Variants in SPC25 observed in about 807,000 individuals in gnomAD.
SPC25 encodes the protein kinetochore protein Spc25.
A neutral mutation model predicts 29.6 loss-of-function variants in SPC25; 22 were observed. The observed-to-expected ratio is 0.74, with a 90% CI of 0.53 to 1.06. The LOEUF is 1.06. SPC25 is among the 50% of genes least tolerant of loss of function. The pLI is 0.00. For synonymous variants in SPC25, 91 were observed against 90.4 expected, an observed-to-expected ratio of 1.01 and a Z score of -0.04; for missense variants, 230 against 255.8, an observed-to-expected ratio of 0.90 and a Z score of 0.69.
At chr2:168,862,696 C>T (rs561643016) in intron 4 of SPC25, among the ~76,000 whole-genome samples, 5 of 152,300 alleles carry the variant, frequency 3.3e-5, no homozygotes, top group Admixed American at 6.5e-5. Flanking sequence ...AAAGGTATTA[C>T]GTAGTGGCTT....
chr2:168,883,257 C>T (rs914565788), intron 3 of SPC25, among the ~76,000 whole-genome samples: 3 of 151,786 alleles, frequency 2.0e-5, no homozygotes, highest in Non-Finnish European at 2.9e-5. Context: ...AATATAATTA[C>T]GTTAAAAACC....
chr2:168,889,424 T>G lies in SPC25; in HGVS notation c.96A>C (p.Leu32=). 1 of 1,614,196 alleles carries G rather than the reference T, an allele frequency of 6.2e-7. No homozygotes were observed. Among genetic ancestry groups the G allele is most frequent in the Non-Finnish European group, 8.5e-7 (1 of 1,180,038 alleles). Residue 32 remains leucine, a synonymous_variant, in exon 2 of 7, where the codon CTA becomes CTC. Transcript: ENST00000282074. Reference sequence around the variant, plus strand: ...TGATGGAATCCTTGTAGGTATCTCTTAGTCCCGCCATCTGACAGGAGGTGT... The same window carrying G: ...TGATGGAATCCTTGTAGGTATCTCTGAGTCCCGCCATCTGACAGGAGGTGT... The part of the protein sequence containing the change: ...STDTSCQMAG[L]RDTYKDSIKA...
intron 4 of SPC25, among the ~76,000 whole-genome samples, chr2:168,862,213 A>G (rs568219519): frequency 1.3e-5 from 2 of 152,318 alleles, no homozygotes; most frequent in East Asian, 3.9e-4. Flanking sequence ...GCATAATGAT[A>G]ATAGCTAACG....
At chr2:168,862,852 G>A (rs13016739) in intron 4 of SPC25, among the ~76,000 whole-genome samples, 1,804 of 152,302 alleles carry the variant, frequency 0.012, 14 homozygotes, top group Middle Eastern at 0.024. Context: ...AACGTTATGG[G>A]AGAAAGAATA....
chr2:168,865,153 G>A, intron 4 of SPC25: 1 of 652,460 alleles, frequency 1.5e-6, no homozygotes, highest in Non-Finnish European at 2.5e-6. Flanking sequence ...AAGATGGATG[G>A]GTGGAGACAG....
At position 168,889,424 on chromosome 2, in the gene SPC25, T is replaced by C. The variant is rs748796212; in HGVS notation, c.96A>G (p.Leu32=). ...STDTSCQMAG[L]RDTYKDSIKA... Reference sequence around the variant, plus strand: ...TGATGGAATCCTTGTAGGTATCTCTTAGTCCCGCCATCTGACAGGAGGTGT... The same window carrying C: ...TGATGGAATCCTTGTAGGTATCTCTCAGTCCCGCCATCTGACAGGAGGTGT... Residue 32 remains leucine, a synonymous_variant, in exon 2 of 7, where the codon CTA becomes CTG. Coordinates refer to ENST00000282074, the MANE Select transcript of SPC25 (RefSeq NM_020675.4). 4 of 1,614,196 alleles carry C rather than the reference T, an allele frequency of 2.5e-6. No individual in the cohort carries two copies. In the Admixed American group the frequency reaches 5.0e-5, roughly 20 times the overall value.
chr2:168,869,647 C>T (rs1689940827), downstream of SPC25, among the ~76,000 whole-genome samples: 1 of 152,152 alleles, frequency 6.6e-6, no homozygotes, highest in Admixed American at 6.6e-5. Flanking sequence ...ATCCAACTTA[C>T]AAGGGATGTG....
intron 4 of SPC25, among the ~76,000 whole-genome samples, chr2:168,864,052 C>CCGT (rs990462434): frequency 3.3e-5 from 5 of 151,470 alleles, no homozygotes; most frequent in African/African-American, 1.2e-4. Context: ...ACTGCAACCT[C>CCGT]CGTCTCCTGG....
intron 3 of SPC25, among the ~76,000 whole-genome samples, chr2:168,881,799 T>C (rs1259905180): frequency 6.6e-6 from 1 of 152,210 alleles, no homozygotes; most frequent in Non-Finnish European, 1.5e-5. Context: ...TTTCTCAAAG[T>C]TAAACAAGTT....
At chr2:168,861,755 C>T (rs558954780) in intron 4 of SPC25, among the ~76,000 whole-genome samples, 22 of 152,290 alleles carry the variant, frequency 1.4e-4, no homozygotes, top group Non-Finnish European at 2.9e-4. Context: ...GGTTATATAA[C>T]ATATGCAGTC....
downstream of SPC25, among the ~76,000 whole-genome samples, chr2:168,868,888 G>C (rs1459614264): frequency 1.3e-5 from 2 of 152,104 alleles, no homozygotes; most frequent in Admixed American, 1.3e-4. Flanking sequence ...CCAAAGCCTG[G>C]CAGAGACACA....
chr2:168,867,596 A>G (rs1689889884), downstream of SPC25, among the ~76,000 whole-genome samples: 1 of 152,294 alleles, frequency 6.6e-6, no homozygotes, highest in African/African-American at 2.4e-5. Context: ...CTAGTCTCGA[A>G]TAAAACAGAC....
At chr2:168,886,405 G>T (rs996429963) in intron 3 of SPC25, among the ~76,000 whole-genome samples, 1 of 152,014 alleles carries the variant, frequency 6.6e-6, no homozygotes, top group African/African-American at 2.4e-5. Context: ...CCACAATATT[G>T]TGAGTAGATT....
chr2:168,871,368 A>AG lies in SPC25; in HGVS notation c.*62dup. On this transcript the variant is annotated 3_prime_UTR_variant, in exon 7 of 7. Transcript: ENST00000282074. ...TTAAAGTATAATAATAATAAAAACA[A>AG]GAAAAAAAGAGATATGTAATAGAGA... 1 of 1,071,394 alleles carries AG rather than the reference A, an allele frequency of 9.3e-7. No homozygotes were observed. The highest frequency in any genetic ancestry group is 3.0e-5 in the East Asian group (1 of 33,102). 66.4% of individuals were successfully genotyped at this position (1,071,394 alleles called of 1,614,324 possible).
intron 3 of SPC25, among the ~76,000 whole-genome samples, chr2:168,885,762 C>T (rs830193): frequency 0.31 from 46,943 of 152,074 alleles, 8,166 homozygotes; most frequent in East Asian, 0.56. Flanking sequence ...ATAATCAGAC[C>T]GCAGGTTCAA....
At chr2:168,865,025 T>G in intron 4 of SPC25, 4 of 1,576,654 alleles carry the variant, frequency 2.5e-6, no homozygotes, top group Non-Finnish European at 3.5e-6. Context: ...TACAGTGTGG[T>G]TCAAATAAGA....
chr2:168,877,432 A>G (rs1690107135), intron 3 of SPC25, 48 bp from the exon 4 acceptor site: 2 of 1,604,586 alleles, frequency 1.2e-6, no homozygotes, highest in Non-Finnish European at 1.7e-6. Flanking sequence ...GCTCTCTGAC[A>G]TGTATCTAAG....
intron 3 of SPC25, among the ~76,000 whole-genome samples, chr2:168,880,087 AG>A (rs1476384162): frequency 1.3e-5 from 2 of 152,186 alleles, no homozygotes; most frequent in African/African-American, 4.8e-5. Context: ...GGGAATGGCA[AG>A]TGAGCACAGG....
At chr2:168,888,209 C>T (rs550379617) in intron 3 of SPC25, among the ~76,000 whole-genome samples, 40 of 151,958 alleles carry the variant, frequency 2.6e-4, no homozygotes, top group Admixed American at 2.2e-3. Context: ...CCGAGGAGGT[C>T]GAGGCTGAAA....
Sources: gnomAD v4.1 joint callset for allele counts (sites outside exome capture counted in the v4.1 genomes callset) on GRCh38, gnomAD v4.1.1 for gene constraint, MANE v1.5 for transcripts, NCBI Gene and HGNC (gene_info 2026-07-23, HGNC 2026-07-21) for gene names.